Variants in APPBP2 observed in about 807,000 individuals in gnomAD.
APPBP2 encodes amyloid protein-binding protein 2.
APPBP2 carries 15 observed loss-of-function variants against 76.0 expected under a neutral mutation model. The observed-to-expected ratio is 0.20, with a 90% CI of 0.13 to 0.30. The LOEUF (loss-of-function observed/expected upper bound fraction) is 0.30. Ranked by LOEUF, APPBP2 falls within the 10% of genes least tolerant of loss-of-function variation. The probability of loss-of-function intolerance (pLI) is 1.00; values close to 1 mark genes in which losing one functional copy is unlikely to be tolerated. For synonymous variants in APPBP2, 222 were observed against 242.2 expected (o/e 0.92, Z 0.77); for missense variants, 401 against 687.2 (o/e 0.58, Z 4.66).
At chr17:60,500,337 T>A (rs1229826689) in intron 2 of APPBP2, 62 bp downstream of exon 2, 2 of 1,199,042 alleles carry the variant, frequency 1.7e-6, no homozygotes, top group Non-Finnish European at 2.4e-6. Context: ...TGCCACTCAA[T>A]TCGGTTAAAA....
At chr17:60,465,528 A>G (rs528301778) in intron 5 of APPBP2, among the ~76,000 whole-genome samples, 34 of 152,334 alleles carry the variant, frequency 2.2e-4, no homozygotes, top group African/African-American at 7.7e-4. Flanking sequence ...AGCTGCAAAG[A>G]CATGAATAAG....
intron 12 of APPBP2, among the ~76,000 whole-genome samples, chr17:60,450,873 A>G (rs2090389454): frequency 6.6e-6 from 1 of 152,220 alleles, no homozygotes; most frequent in Non-Finnish European, 1.5e-5. Context: ...GATATCTATG[A>G]CACATGTAAC....
chr17:60,462,156 G>T, intron 6 of APPBP2, 95 bp from the exon 7 acceptor site: 1 of 933,664 alleles, frequency 1.1e-6, no homozygotes, highest in Non-Finnish European at 1.7e-6. Context: ...GAGTTAATAA[G>T]AAAAAAAACC....
chr17:60,475,555 C>T (rs1024882015), intron 4 of APPBP2, among the ~76,000 whole-genome samples: 1 of 151,654 alleles, frequency 6.6e-6, no homozygotes, highest in East Asian at 1.9e-4. Flanking sequence ...TAAGATACTG[C>T]TACTTTCTTC....
At chr17:60,504,761 G>A (rs557112821) in intron 1 of APPBP2, among the ~76,000 whole-genome samples, 10 of 152,208 alleles carry the variant, frequency 6.6e-5, no homozygotes, top group Non-Finnish European at 1.0e-4. Context: ...CTGATATTGC[G>A]CACTGCACTC....
chr17:60,457,661 C>A (rs1282441743), intron 9 of APPBP2, among the ~76,000 whole-genome samples: 2 of 152,196 alleles, frequency 1.3e-5, no homozygotes, highest in Non-Finnish European at 2.9e-5. Flanking sequence ...AACTCCTGGG[C>A]TCAAGTGATC....
At chr17:60,482,588 C>A (rs141860411) in intron 3 of APPBP2, among the ~76,000 whole-genome samples, 1 of 152,134 alleles carries the variant, frequency 6.6e-6, no homozygotes, top group Non-Finnish European at 1.5e-5. Context: ...TCCCCCAGAC[C>A]GCCACCCCAC....
intron 9 of APPBP2, among the ~76,000 whole-genome samples, chr17:60,457,003 T>C (rs1458312233): frequency 6.6e-6 from 1 of 151,652 alleles, no homozygotes; most frequent in Non-Finnish European, 1.5e-5. Context: ...CCAGGTGTGG[T>C]GGTGAACGCC....
In APPBP2 at chr17:60,446,178, CA is replaced by C. The variant is rs2090345221; in HGVS notation, c.*1402del. The C allele has an allele frequency of 6.6e-6, 1 of 152,524 alleles. No individual in the cohort carries two copies. Among genetic ancestry groups the C allele is most frequent in the South Asian group, 2.1e-4 (1 of 4,834 alleles). The allele number at this position is 152,524 out of a possible 1,614,324, so 9.4% of individuals were successfully genotyped here. ...AACCCCTGAAAATAGGGGGGGAACC[CA>C]GATTCTTAACTATAGAAGCATCAGA... On this transcript the variant is annotated 3_prime_UTR_variant, in exon 13 of 13. Coordinates refer to ENST00000083182, the MANE Select transcript of APPBP2 (RefSeq NM_006380.5).
chr17:60,525,504 G>A (rs972899211), intron 1 of APPBP2, among the ~76,000 whole-genome samples: 1 of 152,266 alleles, frequency 6.6e-6, no homozygotes, highest in African/African-American at 2.4e-5. Context: ...ACAGGGGCGC[G>A]ATAGAGTAAG....
chr17:60,452,823 C>CTTGGGAAG (rs2090405187), intron 11 of APPBP2, among the ~76,000 whole-genome samples: 1 of 152,102 alleles, frequency 6.6e-6, no homozygotes, highest in African/African-American at 2.4e-5. Flanking sequence ...TTCCCAGCTA[C>CTTGGGAAG]TTGGGAAGCT....
In APPBP2 at chr17:60,454,509, T is replaced by A. The variant is rs1317370665; in HGVS notation, c.1148-17A>T. 6.5e-7 allele frequency: 1 copy of A among 1,543,540 alleles called. No individual in the cohort carries two copies. The highest frequency in any genetic ancestry group is 2.3e-5 in the East Asian group (1 of 43,412). ...AAATAAGTGCTAAAAAAGAAGGCAATAAATTAGTGTACTTCAAAACCATCT... is the reference window on the plus strand; with the variant it reads ...AAATAAGTGCTAAAAAAGAAGGCAAAAAATTAGTGTACTTCAAAACCATCT... On this transcript the variant is annotated splice_polypyrimidine_tract_variant and intron_variant, in intron 10 of 12. Transcript: ENST00000083182.
At chr17:60,467,992 T>G (rs1356721772) in intron 4 of APPBP2, among the ~76,000 whole-genome samples, 1 of 152,130 alleles carries the variant, frequency 6.6e-6, no homozygotes, top group Non-Finnish European at 1.5e-5. Context: ...GGAAAGGAGT[T>G]TTGTTTGCAA....
At position 60,446,640 on chromosome 17, in the gene APPBP2, T is replaced by C. The variant is rs987995298; in HGVS notation, c.*941A>G. The C allele has an allele frequency of 6.6e-6, 1 of 152,258 alleles. No homozygotes were observed. The highest frequency in any genetic ancestry group is 6.5e-5 in the Admixed American group (1 of 15,288). The allele number at this position is 152,258 out of a possible 1,614,324, so 9.4% of individuals were successfully genotyped here. A position where few individuals can be genotyped will look rare whatever the true frequency, so the allele number is the denominator to read the frequency against. On this transcript the variant is annotated 3_prime_UTR_variant, in exon 13 of 13. Coordinates refer to ENST00000083182, the MANE Select transcript of APPBP2 (RefSeq NM_006380.5). ...GGGGGATGGCTGCAGCCGATATTTA[T>C]AGACTTGCTTATGGCACTGCCATCT... is the stretch of plus-strand genomic sequence containing the variant.
At chr17:60,507,111 G>A (rs570639713) in intron 1 of APPBP2, among the ~76,000 whole-genome samples, 30 of 152,080 alleles carry the variant, frequency 2.0e-4, no homozygotes, top group South Asian at 2.1e-4. Flanking sequence ...CTTGTTACAC[G>A]GTTATATTGC....
intron 4 of APPBP2, among the ~76,000 whole-genome samples, chr17:60,476,264 G>A (rs1429009324): frequency 2.0e-5 from 3 of 152,142 alleles, no homozygotes; most frequent in African/African-American, 4.8e-5. Context: ...ATGTTTTGAT[G>A]TTAGCCCCAT....
At chr17:60,473,787 A>G (rs1347669143) in intron 4 of APPBP2, among the ~76,000 whole-genome samples, 2 of 152,220 alleles carry the variant, frequency 1.3e-5, no homozygotes, top group Admixed American at 6.5e-5. Flanking sequence ...ATTCACATGT[A>G]CCTTAAACAT....
chr17:60,485,885 T>C (rs2090673164), intron 3 of APPBP2, among the ~76,000 whole-genome samples: 1 of 152,216 alleles, frequency 6.6e-6, no homozygotes, highest in African/African-American at 2.4e-5. Context: ...GTCCCAGAGA[T>C]TCTGGTTCGT....
intron 4 of APPBP2, among the ~76,000 whole-genome samples, chr17:60,478,452 A>G (rs183083050): frequency 2.6e-5 from 4 of 152,342 alleles, no homozygotes; most frequent in Admixed American, 2.6e-4. Context: ...TGTTATGCAC[A>G]ATTATGGAAA....
Sources: gnomAD v4.1 joint callset for allele counts (sites outside exome capture counted in the v4.1 genomes callset) on GRCh38, gnomAD v4.1.1 for gene constraint, MANE v1.5 for transcripts, NCBI Gene and HGNC (gene_info 2026-07-23, HGNC 2026-07-21) for gene names.